Variants in METAP1D observed in about 807,000 individuals in gnomAD.
METAP1D encodes the protein methionine aminopeptidase 1D, mitochondrial.
Under a neutral mutation model 40.5 loss-of-function variants are expected in METAP1D, and 31 were observed. That is an observed-to-expected ratio of 0.77 (90% CI 0.58 to 1.03). METAP1D has a LOEUF of 1.03. METAP1D is among the 50% of genes least tolerant of loss of function. The pLI, the probability that METAP1D is intolerant of heterozygous loss-of-function variation, is 0.00. For missense variants in METAP1D, 411 were observed against 420.7 expected (o/e 0.98, Z 0.20); for synonymous variants, 151 against 146.4 (o/e 1.03, Z -0.22).
intron 1 of METAP1D, among the ~76,000 whole-genome samples, chr2:172,009,891 C>T (rs1214827654): frequency 6.6e-6 from 1 of 152,012 alleles, no homozygotes; most frequent in Non-Finnish European, 1.5e-5. Context: ...TCATCATGAC[C>T]TGGTGGTTTG....
intron 1 of METAP1D, among the ~76,000 whole-genome samples, chr2:172,049,935 T>C (rs1689851545): frequency 1.3e-5 from 2 of 152,218 alleles, no homozygotes; most frequent in Admixed American, 1.3e-4. Flanking sequence ...CACGATAAGA[T>C]TGATATTCAA....
intron 1 of METAP1D, among the ~76,000 whole-genome samples, chr2:172,013,722 C>T (rs1299906087): frequency 2.0e-5 from 3 of 152,004 alleles, no homozygotes; most frequent in Non-Finnish European, 2.9e-5. Context: ...CTTTGCTTGG[C>T]AGAACGTGAC....
At chr2:172,031,492 T>G (rs1196906422) in intron 1 of METAP1D, among the ~76,000 whole-genome samples, 1 of 152,198 alleles carries the variant, frequency 6.6e-6, no homozygotes, top group Non-Finnish European at 1.5e-5. Context: ...GCACTAGACT[T>G]ATCTCAGTTG....
chr2:172,078,620 C>T (rs571397191), intron 7 of METAP1D, among the ~76,000 whole-genome samples: 1 of 152,260 alleles, frequency 6.6e-6, no homozygotes, highest in South Asian at 2.1e-4. Context: ...GGACCCATGC[C>T]CTCGAGGATC....
intron 1 of METAP1D, among the ~76,000 whole-genome samples, chr2:172,029,905 G>C (rs533295039): frequency 6.6e-6 from 1 of 151,620 alleles, no homozygotes; most frequent in African/African-American, 2.4e-5. Context: ...ACAGGCATGC[G>C]CCACCACATC....
chr2:172,041,934 G>A (rs1349648009), intron 1 of METAP1D, among the ~76,000 whole-genome samples: 20 of 119,018 alleles, frequency 1.7e-4, no homozygotes, highest in African/African-American at 5.5e-4. Flanking sequence ...CCCAGTAGCT[G>A]GGATTACAGG....
At chr2:172,079,951 T>A (rs1211992183) in intron 8 of METAP1D, among the ~76,000 whole-genome samples, 177 bp from the exon 9 acceptor site, 2 of 152,204 alleles carry the variant, frequency 1.3e-5, no homozygotes, top group African/African-American at 4.8e-5. Context: ...CTGTTTAGTT[T>A]GTAGTATACT....
chr2:172,043,974 TC>T (rs1689676105), intron 1 of METAP1D, among the ~76,000 whole-genome samples: 1 of 134,432 alleles, frequency 7.4e-6, no homozygotes, highest in Non-Finnish European at 1.7e-5. Flanking sequence ...GTGCCTGTAG[TC>T]CCAGCTACTT....
intron 1 of METAP1D, among the ~76,000 whole-genome samples, chr2:172,055,007 C>A (rs1025203788): frequency 2.0e-5 from 3 of 152,198 alleles, no homozygotes; most frequent in African/African-American, 7.2e-5. Flanking sequence ...TCATCTCTTG[C>A]AAGATCAAAT....
intron 6 of METAP1D, among the ~76,000 whole-genome samples, chr2:172,072,792 A>G (rs1690454767): frequency 6.6e-6 from 1 of 152,074 alleles, no homozygotes; most frequent in Non-Finnish European, 1.5e-5. Context: ...ACAATTACTC[A>G]TATAATTGAG....
chr2:172,014,709 G>A (rs1317650374), intron 1 of METAP1D, among the ~76,000 whole-genome samples: 9 of 152,096 alleles, frequency 5.9e-5, no homozygotes, highest in African/African-American at 1.9e-4. Flanking sequence ...CTGGAGTGCA[G>A]TGGTGCAATC....
intron 1 of METAP1D, among the ~76,000 whole-genome samples, chr2:172,051,981 C>T (rs183943648): frequency 6.6e-6 from 1 of 152,168 alleles, no homozygotes; most frequent in Non-Finnish European, 1.5e-5. Context: ...TCTGTGGGAT[C>T]TTTGTTACTG....
At position 172,061,150 on chromosome 2, in the gene METAP1D, C is replaced by T. The variant is rs567302739; in HGVS notation, c.41-348C>T. ...GAGTATAAAGCCATCAAAACAGTGC[C>T]CTGAATCTAGGGTCGTCTTGGACAT... On this transcript the variant is annotated intron_variant, in intron 1 of 9. Coordinates refer to ENST00000315796, the MANE Select transcript of METAP1D (RefSeq NM_199227.3). Among the ~76,000 whole-genome samples the T allele has an allele frequency of 5.9e-5, 9 of 152,250 alleles. No homozygotes were observed. The South Asian group carries it at 1.7e-3, about 28-fold the overall frequency.
chr2:172,011,997 G>A (rs1688737127), intron 1 of METAP1D, among the ~76,000 whole-genome samples: 1 of 152,192 alleles, frequency 6.6e-6, no homozygotes, highest in African/African-American at 2.4e-5. Context: ...ATTCCTTTAT[G>A]AAAGTTAACT....
At chr2:172,034,123 T>A (rs2105419467) in intron 1 of METAP1D, among the ~76,000 whole-genome samples, 2 of 147,438 alleles carry the variant, frequency 1.4e-5, no homozygotes, top group Admixed American at 1.4e-4. Context: ...GATGTACACA[T>A]GGAAATATTT....
At chr2:172,037,570 A>C (rs1289865528) in intron 1 of METAP1D, among the ~76,000 whole-genome samples, 6 of 152,204 alleles carry the variant, frequency 3.9e-5, no homozygotes, top group Non-Finnish European at 8.8e-5. Context: ...AATCTTTACA[A>C]CAGTTTTTTA....
chr2:172,056,834 A>G (rs1180313278), intron 1 of METAP1D, among the ~76,000 whole-genome samples: 1 of 152,180 alleles, frequency 6.6e-6, no homozygotes, highest in Non-Finnish European at 1.5e-5. Context: ...GGTAACTCAC[A>G]CCTGTTTGAC....
intron 1 of METAP1D, among the ~76,000 whole-genome samples, chr2:172,004,282 T>G (rs1000184418): frequency 5.3e-5 from 8 of 152,044 alleles, no homozygotes; most frequent in African/African-American, 1.9e-4. Context: ...CTTGTATAGC[T>G]TCTGCAGGAA....
chr2:172,018,738 C>A (rs1688937030), intron 1 of METAP1D, among the ~76,000 whole-genome samples: 1 of 151,608 alleles, frequency 6.6e-6, no homozygotes, highest in East Asian at 1.9e-4. Context: ...CACCCCCCAT[C>A]CCCCCCTCAC....
Sources: gnomAD v4.1 joint callset for allele counts (sites outside exome capture counted in the v4.1 genomes callset) on GRCh38, gnomAD v4.1.1 for gene constraint, MANE v1.5 for transcripts, NCBI Gene and HGNC (gene_info 2026-07-23, HGNC 2026-07-21) for gene names.